Variants in DLG2 observed in about 807,000 individuals in gnomAD.
The protein encoded by DLG2 is discs large MAGUK scaffold protein 2, also known as disks large homolog 2.
DLG2 carries 45 observed loss-of-function variants against 132.5 expected under a neutral mutation model. That is an observed-to-expected ratio of 0.34 (90% CI 0.27 to 0.44). The LOEUF (loss-of-function observed/expected upper bound fraction) is 0.44, where lower values mean the gene tolerates loss of function less well. Ranked by LOEUF, DLG2 falls within the 20% of genes least tolerant of loss-of-function variation. DLG2 has a pLI of 1.00. For missense variants in DLG2, 1,045 were observed against 1,196.9 expected, an observed-to-expected ratio of 0.87 and a Z score of 1.87; for synonymous variants, 424 against 419.6, an observed-to-expected ratio of 1.01 and a Z score of -0.13.
chr11:83,694,985 T>C (rs982083687), intron 18 of DLG2, among the ~76,000 whole-genome samples: 2 of 152,252 alleles, frequency 1.3e-5, no homozygotes, highest in Non-Finnish European at 2.9e-5. Flanking sequence ...ATTACCAATA[T>C]GCTGATACAT....
chr11:85,334,486 G>C (rs191000420), intron 3 of DLG2, among the ~76,000 whole-genome samples: 20 of 152,056 alleles, frequency 1.3e-4, no homozygotes, highest in Admixed American at 1.3e-3. Context: ...GCATTAGTTT[G>C]CTCTTGTTTT....
At chr11:85,093,025 C>T (rs1382893701) in intron 6 of DLG2, among the ~76,000 whole-genome samples, 1 of 152,126 alleles carries the variant, frequency 6.6e-6, no homozygotes, top group Non-Finnish European at 1.5e-5. Flanking sequence ...AGCACTTATC[C>T]TTTGTGTAAC....
At chr11:84,587,301 T>C (rs2099532081) in intron 6 of DLG2, among the ~76,000 whole-genome samples, 1 of 152,190 alleles carries the variant, frequency 6.6e-6, no homozygotes, top group African/African-American at 2.4e-5. Flanking sequence ...TTCATTTCTC[T>C]CCCTCATAGG....
intron 7 of DLG2, among the ~76,000 whole-genome samples, chr11:84,253,874 G>C (rs971561301): frequency 6.6e-6 from 1 of 152,002 alleles, no homozygotes; most frequent in Non-Finnish European, 1.5e-5. Context: ...TATCTAGGTG[G>C]TTCTATCACA....
At chr11:85,171,620 G>A (rs188215947) in intron 4 of DLG2, among the ~76,000 whole-genome samples, 1 of 152,246 alleles carries the variant, frequency 6.6e-6, no homozygotes, top group East Asian at 1.9e-4. Context: ...TCATTCTGTG[G>A]GCCCTACTCC....
At chr11:84,147,127 C>A (rs61619771) in intron 9 of DLG2, among the ~76,000 whole-genome samples, 402 of 152,114 alleles carry the variant, frequency 2.6e-3, no homozygotes, top group African/African-American at 9.1e-3. Context: ...CACATGTGAC[C>A]ACCAAGATAG....
At position 83,593,644 on chromosome 11, in the gene DLG2, T is replaced by TA. The variant is rs934633584; in HGVS notation, c.1940+39566dup. ...ATGTACCCTAAAACTTAAAGTATAA[T>TA]AAAAAAAAGAAATATATTAAAAAAA... On this transcript the variant is annotated intron_variant, in intron 19 of 27. Transcript: ENST00000376104. 1.2e-4 allele frequency among the ~76,000 whole-genome samples: 16 copies of TA among 134,738 alleles called. No homozygotes were observed. In the East Asian group the frequency reaches 1.9e-3, roughly 16 times the overall value. The allele number at this position is 134,738 out of a possible 152,430, so 88.4% of individuals were successfully genotyped here.
At chr11:84,750,562 T>G (rs917530463) in intron 6 of DLG2, among the ~76,000 whole-genome samples, 1 of 152,120 alleles carries the variant, frequency 6.6e-6, no homozygotes, top group East Asian at 1.9e-4. Context: ...TCAATGTTTT[T>G]AATAGTTATT....
Position 83,653,649 on chromosome 11 carries a change from C to T in DLG2, c.1826-20324G>A, listed in dbSNP as rs148788677. On this transcript the variant is annotated intron_variant, in intron 18 of 27. Coordinates refer to ENST00000376104, the MANE Select transcript of DLG2 (RefSeq NM_001142699.3). The stretch of plus-strand genomic sequence containing the variant: ...GGCCATTTTCCCCAAGAAATACATA[C>T]ATTTTGTCTGTTGATAAAGTGACCG... Among the ~76,000 whole-genome samples the T allele has an allele frequency of 8.7e-3, 1,319 of 152,274 alleles. 22 individuals carry two copies. Among genetic ancestry groups the T allele is most frequent in the African/African-American group, 0.03 (1,247 of 41,550 alleles).
At chr11:84,055,758 C>A (rs950914161) in intron 11 of DLG2, among the ~76,000 whole-genome samples, 2 of 152,120 alleles carry the variant, frequency 1.3e-5, no homozygotes, top group Non-Finnish European at 2.9e-5. Context: ...CAATCTGTTA[C>A]ATTTATTCCT....
intron 11 of DLG2, among the ~76,000 whole-genome samples, chr11:84,002,170 T>C (rs2094382709): frequency 6.6e-6 from 1 of 152,052 alleles, no homozygotes; most frequent in East Asian, 1.9e-4. Flanking sequence ...CCACCTAAAA[T>C]AGCAAAGAAG....
At chr11:83,947,907 G>A (rs998062271) in intron 14 of DLG2, among the ~76,000 whole-genome samples, 10 of 151,942 alleles carry the variant, frequency 6.6e-5, no homozygotes, top group African/African-American at 1.9e-4. Flanking sequence ...ATCATCTCAG[G>A]TTCCAAATCT....
intron 18 of DLG2, among the ~76,000 whole-genome samples, chr11:83,730,376 C>G (rs2090793324): frequency 6.6e-6 from 1 of 152,048 alleles, no homozygotes; most frequent in South Asian, 2.1e-4. Context: ...AGAACATATA[C>G]TTAAGCTATA....
chr11:84,734,311 T>C (rs1021296082), intron 6 of DLG2, among the ~76,000 whole-genome samples: 9 of 152,010 alleles, frequency 5.9e-5, no homozygotes, highest in Admixed American at 3.3e-4. Context: ...TCTTTTATTT[T>C]GTTGAGCAGT....
intron 7 of DLG2, among the ~76,000 whole-genome samples, chr11:84,502,370 CTTTCTTTCTTTCTTTCTTTCTTTCTT>C (rs2099220661): frequency 1.3e-5 from 1 of 79,976 alleles, no homozygotes; most frequent in Non-Finnish European, 2.3e-5. Flanking sequence ...TTCTTTCTTT[CTTTCTTTCTTTCTTTCTTTCTTTCTT>C]TCTTTCTTTC....
intron 6 of DLG2, among the ~76,000 whole-genome samples, chr11:84,938,008 C>T (rs975275139): frequency 6.6e-6 from 1 of 152,150 alleles, no homozygotes; most frequent in African/African-American, 2.4e-5. Flanking sequence ...TCCAAGTCAG[C>T]TCAGTCCTCA....
intron 6 of DLG2, among the ~76,000 whole-genome samples, chr11:85,017,739 C>T (rs746851857): frequency 2.6e-5 from 4 of 152,170 alleles, no homozygotes; most frequent in Non-Finnish European, 5.9e-5. Flanking sequence ...TCAGTCAATA[C>T]ACAACCTCCA....
intron 7 of DLG2, among the ~76,000 whole-genome samples, chr11:84,395,723 C>T (rs771279295): frequency 7.9e-5 from 12 of 152,128 alleles, no homozygotes; most frequent in East Asian, 1.9e-4. Flanking sequence ...TTAATCATTC[C>T]GCAGTGTATA....
intron 6 of DLG2, among the ~76,000 whole-genome samples, chr11:84,595,688 T>C (rs370271485): frequency 2.4e-4 from 36 of 152,160 alleles, no homozygotes; most frequent in African/African-American, 8.2e-4. Context: ...CCGGAAGTTG[T>C]TTCAAGCTTT....
Sources: gnomAD v4.1 joint callset for allele counts (sites outside exome capture counted in the v4.1 genomes callset) on GRCh38, gnomAD v4.1.1 for gene constraint, MANE v1.5 for transcripts, NCBI Gene and HGNC (gene_info 2026-07-23, HGNC 2026-07-21) for gene names.